Variants in TULP1 observed in about 807,000 individuals in gnomAD.
TULP1 encodes the protein tubby-related protein 1.
A neutral mutation model predicts 67.1 loss-of-function variants in TULP1; 50 were observed. The observed-to-expected ratio is 0.75, with a 90% CI of 0.59 to 0.94. TULP1 has a LOEUF of 0.94. Among genes scored for constraint, TULP1 ranks in the 40% least tolerant of loss-of-function variants. The probability of loss-of-function intolerance (pLI) is 0.00; values close to 1 mark genes in which losing one functional copy is unlikely to be tolerated. For synonymous variants in TULP1, 297 were observed against 294.0 expected, an observed-to-expected ratio of 1.01 and a Z score of -0.11; for missense variants, 746 against 734.1, an observed-to-expected ratio of 1.02 and a Z score of -0.19.
rs149980694 is a variant in TULP1, at chr6:35,506,156, C to T, written c.846G>A (p.Pro282=). 93 of 1,613,516 alleles carry T rather than the reference C, an allele frequency of 5.8e-5. No homozygotes were observed. The African/African-American group carries it at 9.5e-4, about 16-fold the overall frequency. ...GKKKAKEERA[P]SPPVEVDEPR... ...GTTCGTCCACCTCCACGGGGGGAGA[C>T]GGGGCCCTCTCCTCCTTCTGGGTGG... Residue 282 remains proline, a synonymous_variant, in exon 10 of 15, where the codon CCG becomes CCA. Coordinates refer to ENST00000229771, the MANE Select transcript of TULP1 (RefSeq NM_003322.6).
rs370698517 is a variant in TULP1, at chr6:35,503,793, G to A, written c.1168C>T (p.Arg390Cys). The A allele has an allele frequency of 8.7e-6, 14 of 1,613,468 alleles. No homozygotes were observed. Among genetic ancestry groups the A allele is most frequent in the South Asian group, 3.3e-5 (3 of 90,984 alleles). ...CTTGCCACATTAGTGCTGTACCCACGCTGTGGGTTCTGCCCGTTGTCAAAG... is the reference window on the plus strand; with the variant it reads ...CTTGCCACATTAGTGCTGTACCCACACTGTGGGTTCTGCCCGTTGTCAAAG... ...TVFDNGQNPQ[R>C]GYSTNVASLR... Residue 390 changes from arginine to cysteine, a missense_variant, in exon 12 of 15, where the codon CGT becomes TGT. By Grantham distance (180) the Arg-to-Cys change is radical (BLOSUM62 -3). Transcript: ENST00000229771. This position sits in a 1 kb window ranked among gnomAD's most constrained non-coding sequence, Gnocchi z 4.0.
chr6:35,503,952 G>C lies in TULP1; in HGVS notation c.1113-104C>G. On this transcript the variant is annotated intron_variant, in intron 11 of 14. Transcript: ENST00000229771. The surrounding 1 kb of genome is among the most constrained non-coding windows in gnomAD (Gnocchi z 4.0). ...AGTTTAGAGAGCTTCCTACAAGGGTGGGGGTGAGTTAGGACTGAGCAATTC... is the reference window on the plus strand; with the variant it reads ...AGTTTAGAGAGCTTCCTACAAGGGTCGGGGTGAGTTAGGACTGAGCAATTC... The C allele has an allele frequency of 1.2e-6, 1 of 862,692 alleles. No individual in the cohort carries two copies. The highest frequency in any genetic ancestry group is 1.5e-5 in the South Asian group (1 of 67,840). 53.4% of individuals were successfully genotyped at this position (862,692 alleles called of 1,614,324 possible). A position where few individuals can be genotyped will look rare whatever the true frequency, so the allele number is the denominator to read the frequency against.
chr6:35,502,839 T>G lies in TULP1; in HGVS notation c.1323+720A>C, dbSNP rs572569888. ...TAGCACTTACCACCTTCCAGTATGC[T>G]CCATAATTTACTTATTTATCACGAT... On this transcript the variant is annotated intron_variant, in intron 13 of 14. Coordinates refer to ENST00000229771, the MANE Select transcript of TULP1 (RefSeq NM_003322.6). 2.0e-5 allele frequency among the ~76,000 whole-genome samples: 3 copies of G among 152,102 alleles called. No homozygotes were observed. The East Asian group carries it at 5.8e-4, about 30-fold the overall frequency.
intron 8 of TULP1, among the ~76,000 whole-genome samples, chr6:35,508,734 T>G (rs1436079412): frequency 6.6e-6 from 1 of 152,138 alleles, no homozygotes; most frequent in African/African-American, 2.4e-5. Context: ...TATTAACCCT[T>G]TCGTTGCTGG....
rs769946368 is a variant in TULP1, at chr6:35,499,881, G to A, written c.1495+100C>T. 2.8e-6 allele frequency: 4 copies of A among 1,416,500 alleles called. No individual in the cohort carries two copies. The East Asian group carries it at 9.1e-5, about 32-fold the overall frequency. The allele number at this position is 1,416,500 out of a possible 1,614,324, so 87.7% of individuals were successfully genotyped here. On this transcript the variant is annotated intron_variant, in intron 14 of 14. Transcript: ENST00000229771. ...GGATGTCCCAGCTCTCGGGATAAAG[G>A]CTGGTGTGTGTGTGTGTGAGGGGGT...
chr6:35,512,710 C>T lies in TULP1; in HGVS notation c.48-20G>A. On this transcript the variant is annotated intron_variant, in intron 1 of 14. Transcript: ENST00000229771. ...TGCCCACTGAGGGTAGCAAAGGGAT[C>T]AGCCTGTCTCCCTTCCCCTTCCCTC... is the stretch of plus-strand genomic sequence containing the variant. The T allele has an allele frequency of 1.2e-6, 2 of 1,613,690 alleles. No individual in the cohort carries two copies. The highest frequency in any genetic ancestry group is 1.7e-5 in the Admixed American group (1 of 59,996).
Position 35,503,586 on chromosome 6 carries a change from GTTC to G in TULP1, c.1293_1295del (p.Glu431_Asn432delinsAsp). The G allele has an allele frequency of 6.3e-7, 1 of 1,587,242 alleles. No homozygotes were observed. The highest frequency in any genetic ancestry group is 2.3e-5 in the East Asian group (1 of 43,364). On this transcript the variant is annotated inframe_deletion, in exon 13 of 15. Transcript: ENST00000229771. The surrounding 1 kb of genome is among the most constrained non-coding windows in gnomAD (Gnocchi z 4.0). ...TTCGGGGCCGGATGGGGACCCTCTC[GTTC>G]TCCGCACTCATGCCAGGAATGATGA...
Position 35,499,960 on chromosome 6 carries a change from C to G in TULP1, c.1495+21G>C, listed in dbSNP as rs763526852. Reference sequence around the variant, plus strand: ...CTGGGGGTGGTGGAGAAGAGCCAGACCTGGGCCCTCAGGTACTCACGGTCA... The same window carrying G: ...CTGGGGGTGGTGGAGAAGAGCCAGAGCTGGGCCCTCAGGTACTCACGGTCA... On this transcript the variant is annotated intron_variant, in intron 14 of 14. Coordinates refer to ENST00000229771, the MANE Select transcript of TULP1 (RefSeq NM_003322.6). 1.6e-5 allele frequency: 26 copies of G among 1,613,528 alleles called. No individual in the cohort carries two copies. The South Asian group carries it at 2.9e-4, about 18-fold the overall frequency.
At chr6:35,510,173 C>T (rs978888859) in intron 5 of TULP1, among the ~76,000 whole-genome samples, 2 of 152,094 alleles carry the variant, frequency 1.3e-5, no homozygotes, top group Non-Finnish European at 2.9e-5. Context: ...TGTGCCTCAG[C>T]CGCCCAAGTA....
chr6:35,502,411 C>G (rs1225851422), intron 13 of TULP1, among the ~76,000 whole-genome samples: 1 of 152,084 alleles, frequency 6.6e-6, no homozygotes, highest in Non-Finnish European at 1.5e-5. Flanking sequence ...CCAGGCTGGT[C>G]TCAAACTCCT....
intron 3 of TULP1, 37 bp from the exon 4 acceptor site, chr6:35,511,843 C>G (rs1386084318): frequency 2.0e-6 from 3 of 1,492,514 alleles, no homozygotes; most frequent in East Asian, 2.5e-5. Flanking sequence ...GGGTCCCATC[C>G]GCGGGTCCGC....
At chr6:35,502,017 G>C (rs1056232174) in intron 13 of TULP1, among the ~76,000 whole-genome samples, 1 of 151,974 alleles carries the variant, frequency 6.6e-6, no homozygotes, top group African/African-American at 2.4e-5. Context: ...CCTTTGCACT[G>C]GCTCTTCCCA....
Position 35,498,266 on chromosome 6 carries a change from C to G in TULP1, c.*61G>C. On this transcript the variant is annotated 3_prime_UTR_variant, in exon 15 of 15. Coordinates refer to ENST00000229771, the MANE Select transcript of TULP1 (RefSeq NM_003322.6). This position sits in a 1 kb window ranked among gnomAD's most constrained non-coding sequence, Gnocchi z 6.7. ...AGCTTTGCTGGAGGGACCCTGCCAG[C>G]CTCCACTGAATCCTTTCCCCCACGC... 6.3e-7 allele frequency: 1 copy of G among 1,597,566 alleles called. No homozygotes were observed. The highest frequency in any genetic ancestry group is 8.5e-7 in the Non-Finnish European group (1 of 1,175,306).
In TULP1 at chr6:35,503,170, C is replaced by T. The variant is rs1761003678; in HGVS notation, c.1323+389G>A. Among the ~76,000 whole-genome samples, 1 of 152,054 alleles carries T rather than the reference C, an allele frequency of 6.6e-6. No individual in the cohort carries two copies. Among genetic ancestry groups the T allele is most frequent in the African/African-American group, 2.4e-5 (1 of 41,404 alleles). On this transcript the variant is annotated intron_variant, in intron 13 of 14. Coordinates refer to ENST00000229771, the MANE Select transcript of TULP1 (RefSeq NM_003322.6). The surrounding 1 kb of genome is among the most constrained non-coding windows in gnomAD (Gnocchi z 4.0). Reference sequence around the variant, plus strand: ...AGCCAGGATAGTCTCGATCTCCTGACCTCGTGATCCGCCCATCTCGGCCTC... The same window carrying T: ...AGCCAGGATAGTCTCGATCTCCTGATCTCGTGATCCGCCCATCTCGGCCTC...
intron 13 of TULP1, among the ~76,000 whole-genome samples, chr6:35,500,945 G>C (rs1282061849): frequency 6.6e-6 from 1 of 152,192 alleles, no homozygotes; most frequent in African/African-American, 2.4e-5. Context: ...CCCATGACTG[G>C]TGCCCTGCAG....
intron 1 of TULP1, 49 bp downstream of exon 1, chr6:35,512,763 A>G (rs1329837011): frequency 1.8e-6 from 2 of 1,109,680 alleles, no homozygotes; most frequent in Non-Finnish European, 2.5e-6. Flanking sequence ...CCATCCCTCC[A>G]TCTAGGCCCC....
chr6:35,498,179 G>T lies in TULP1; in HGVS notation c.*148C>A. On this transcript the variant is annotated 3_prime_UTR_variant, in exon 15 of 15. Transcript: ENST00000229771. The surrounding 1 kb of genome is among the most constrained non-coding windows in gnomAD (Gnocchi z 6.7). ...CTCGGCCTGTGCCAGGCTGGGGAGA[G>T]GACGGAGGTCACCGAGAGGCAGTGA... 1.5e-6 allele frequency: 2 copies of T among 1,329,450 alleles called. No homozygotes were observed. The highest frequency in any genetic ancestry group is 2.0e-6 in the Non-Finnish European group (2 of 979,440). 82.4% of individuals were successfully genotyped at this position (1,329,450 alleles called of 1,614,324 possible). A position where few individuals can be genotyped will look rare whatever the true frequency, so the allele number is the denominator to read the frequency against.
chr6:35,500,176 C>T (rs759190893), intron 13 of TULP1, 24 bp from the exon 14 acceptor site: 50 of 1,613,112 alleles, frequency 3.1e-5, no homozygotes, highest in Middle Eastern at 1.7e-4. Flanking sequence ...GGGGAGTAGA[C>T]AGGGAGAGGA....
Position 35,509,977 on chromosome 6 carries a change from G to A in TULP1, c.500-49C>T, listed in dbSNP as rs1327670875. The A allele has an allele frequency of 2.5e-6, 4 of 1,579,168 alleles. No individual in the cohort carries two copies. In the African/African-American group the frequency reaches 4.0e-5, roughly 16 times the overall value. On this transcript the variant is annotated intron_variant, in intron 5 of 14. Transcript: ENST00000229771. Reference sequence around the variant, plus strand: ...GGCAAAGAAGGTGTCTACTGGGGCTGAAGGCTGCCTTCCAACCCTCTTGTC... The same window carrying A: ...GGCAAAGAAGGTGTCTACTGGGGCTAAAGGCTGCCTTCCAACCCTCTTGTC...
Sources: allele counts gnomAD v4.1 joint callset (sites outside exome capture counted in the v4.1 genomes callset), GRCh38; gene constraint gnomAD v4.1.1; non-coding constraint Gnocchi (gnomAD v3.1); transcripts MANE v1.5; gene names NCBI Gene and HGNC (gene_info 2026-07-23, HGNC 2026-07-21).